NEGR1: variants seen among roughly 807,000 people sequenced by gnomAD.
NEGR1 encodes IgLON family member 4.
Under a neutral mutation model 40.9 loss-of-function variants are expected in NEGR1, and 10 were observed. That is an observed-to-expected ratio of 0.24 (90% confidence interval 0.15 to 0.42). The LOEUF is 0.42. NEGR1 is among the 10% of genes least tolerant of loss of function. The pLI is 1.00. For missense variants in NEGR1, 352 were observed against 438.9 expected, an observed-to-expected ratio of 0.80 and a Z score of 1.77; for synonymous variants, 185 against 166.8, an observed-to-expected ratio of 1.11 and a Z score of -0.84.
At chr1:72,179,129 A>G (rs961344700) in intron 1 of NEGR1, among the ~76,000 whole-genome samples, 2 of 152,002 alleles carry the variant, frequency 1.3e-5, no homozygotes, top group African/African-American at 2.4e-5. Flanking sequence ...AGGTATTTAT[A>G]GTGAGAGGTT....
chr1:72,095,648 T>C (rs1322364177), intron 1 of NEGR1, among the ~76,000 whole-genome samples: 1 of 151,630 alleles, frequency 6.6e-6, no homozygotes, highest in African/African-American at 2.4e-5. Flanking sequence ...TATACATATA[T>C]ATATTTTTTT....
At position 71,860,937 on chromosome 1, in the gene NEGR1, G is replaced by GTA. The variant is rs576924530; in HGVS notation, c.409+74140_409+74141dup. ...AATCAAGTTAAAATAGTATAATTGGGTATCCAATGTAACCAACAGTGAGAA... is the reference window on the plus strand; with the variant it reads ...AATCAAGTTAAAATAGTATAATTGGGTATATCCAATGTAACCAACAGTGAGAA... On this transcript the variant is annotated intron_variant, in intron 2 of 6. Coordinates refer to ENST00000357731, the MANE Select transcript of NEGR1 (RefSeq NM_173808.3). Among the ~76,000 whole-genome samples the GTA allele has an allele frequency of 4.9e-3, 738 of 152,038 alleles. 3 individuals carry two copies. Among genetic ancestry groups the GTA allele is most frequent in the African/African-American group, 0.017 (706 of 41,502 alleles).
At chr1:72,075,707 C>T (rs1457149205) in intron 1 of NEGR1, among the ~76,000 whole-genome samples, 1 of 152,064 alleles carries the variant, frequency 6.6e-6, no homozygotes, top group African/African-American at 2.4e-5. Flanking sequence ...TTTGGTTTAG[C>T]CTTAGGAAGT....
intron 4 of NEGR1, among the ~76,000 whole-genome samples, chr1:71,686,196 A>T (rs2101616356): frequency 1.3e-5 from 2 of 152,266 alleles, no homozygotes; most frequent in East Asian, 1.9e-4. Flanking sequence ...GTGATGCAAA[A>T]TTTTTTATTG....
intron 1 of NEGR1, among the ~76,000 whole-genome samples, chr1:72,009,944 A>G (rs1570604380): frequency 6.6e-6 from 1 of 152,266 alleles, no homozygotes; most frequent in East Asian, 1.9e-4. Context: ...AAATGTAGCT[A>G]TTCAAAAGCA....
chr1:71,750,594 A>T (rs971732394), intron 3 of NEGR1, among the ~76,000 whole-genome samples: 7 of 152,082 alleles, frequency 4.6e-5, no homozygotes, highest in Non-Finnish European at 1.0e-4. Context: ...TCCTCTTTAT[A>T]AAACCATCAG....
chr1:71,731,868 A>G (rs997664392), intron 3 of NEGR1, among the ~76,000 whole-genome samples: 3 of 152,206 alleles, frequency 2.0e-5, no homozygotes, highest in Non-Finnish European at 4.4e-5. Flanking sequence ...AAAACTTGAT[A>G]TCTTCCCTTA....
At chr1:71,903,829 T>C (rs962524301) in intron 2 of NEGR1, among the ~76,000 whole-genome samples, 1 of 151,602 alleles carries the variant, frequency 6.6e-6, no homozygotes, top group Admixed American at 6.6e-5. Context: ...CTCTATTATA[T>C]ATATATATAA....
intron 3 of NEGR1, among the ~76,000 whole-genome samples, chr1:71,743,470 A>C (rs1655281075): frequency 6.6e-6 from 1 of 151,958 alleles, no homozygotes; most frequent in African/African-American, 2.4e-5. Context: ...TAACTATATC[A>C]GCCTCTTTGT....
chr1:71,787,141 A>T (rs1036133354), intron 2 of NEGR1, among the ~76,000 whole-genome samples: 1 of 152,220 alleles, frequency 6.6e-6, no homozygotes, highest in Admixed American at 6.5e-5. Flanking sequence ...CAGTCTTCTG[A>T]GTAAAACAAA....
At chr1:71,821,855 G>A (rs1191562065) in intron 2 of NEGR1, among the ~76,000 whole-genome samples, 2 of 151,988 alleles carry the variant, frequency 1.3e-5, no homozygotes, top group Non-Finnish European at 2.9e-5. Context: ...TTGAGATGAA[G>A]CATGAGTGGG....
intron 3 of NEGR1, among the ~76,000 whole-genome samples, chr1:71,749,745 T>C (rs1356193922): frequency 2.6e-5 from 4 of 152,224 alleles, no homozygotes; most frequent in Non-Finnish European, 2.9e-5. Context: ...TCCTGTTCAA[T>C]ATTTAGAAGA....
At chr1:71,486,921 A>T (rs1646891404) in intron 6 of NEGR1, 1 of 151,570 alleles carries the variant, frequency 6.6e-6, no homozygotes, top group African/African-American at 2.4e-5. Flanking sequence ...ACAGTGTTCC[A>T]TACTACACCC....
intron 4 of NEGR1, among the ~76,000 whole-genome samples, chr1:71,671,898 T>C (rs1029544130): frequency 1.0e-4 from 15 of 148,494 alleles, no homozygotes; most frequent in Non-Finnish European, 2.1e-4. Context: ...TCTCTCTTTT[T>C]TTTTTTTTTT....
intron 1 of NEGR1, among the ~76,000 whole-genome samples, chr1:72,044,532 C>G (rs1377800989): frequency 6.6e-6 from 1 of 151,648 alleles, no homozygotes; most frequent in Non-Finnish European, 1.5e-5. Flanking sequence ...TCATATATAT[C>G]CAGATTTTAT....
intron 2 of NEGR1, among the ~76,000 whole-genome samples, chr1:71,896,111 C>T (rs1660966258): frequency 6.8e-6 from 1 of 145,988 alleles, no homozygotes; most frequent in African/African-American, 2.6e-5. Context: ...AATCTCGGCT[C>T]ACTGCAACCT....
At chr1:72,085,901 T>C (rs2100535308) in intron 1 of NEGR1, among the ~76,000 whole-genome samples, 1 of 133,238 alleles carries the variant, frequency 7.5e-6, no homozygotes, top group Non-Finnish European at 1.5e-5. Context: ...ACCTGGGAGG[T>C]GGAGGTCACA....
chr1:71,401,289 GT>G lies in NEGR1; in HGVS notation c.*6156del, dbSNP rs1336119434. 6.6e-6 allele frequency: 1 copy of G among 152,170 alleles called. No individual in the cohort carries two copies. The highest frequency in any genetic ancestry group is 1.5e-5 in the Non-Finnish European group (1 of 68,024). 9.4% of individuals were successfully genotyped at this position (152,170 alleles called of 1,614,324 possible). A position where few individuals can be genotyped will look rare whatever the true frequency, so the allele number is the denominator to read the frequency against. On this transcript the variant is annotated 3_prime_UTR_variant, in exon 7 of 7. Transcript: ENST00000357731. Reference sequence around the variant, plus strand: ...ATTCTCCTCCTCACTCTGGAAGCCAGTTTTGCCTCTATTAGTACATTAATTT... The same window carrying G: ...ATTCTCCTCCTCACTCTGGAAGCCAGTTTGCCTCTATTAGTACATTAATTT...
intron 2 of NEGR1, among the ~76,000 whole-genome samples, chr1:71,855,047 A>G (rs1450713172): frequency 1.3e-5 from 2 of 152,048 alleles, no homozygotes; most frequent in Non-Finnish European, 2.9e-5. Context: ...TTGACCTGTG[A>G]GTTTTGATGC....
Sources: gnomAD v4.1 joint callset for allele counts (sites outside exome capture counted in the v4.1 genomes callset) on GRCh38, gnomAD v4.1.1 for gene constraint, MANE v1.5 for transcripts, NCBI Gene and HGNC (gene_info 2026-07-23, HGNC 2026-07-21) for gene names.